WWOX: variants seen among roughly 807,000 people sequenced by gnomAD.
The protein encoded by WWOX is WW domain containing oxidoreductase.
WWOX carries 69 observed loss-of-function variants against 46.2 expected under a neutral mutation model. The observed-to-expected ratio is 1.49, with a 90% CI of 1.23 to 1.82. The LOEUF (loss-of-function observed/expected upper bound fraction) is 1.82, where lower values mean the gene tolerates loss of function less well. Ranked by LOEUF, WWOX falls within the 40% of genes most tolerant of loss-of-function variation. WWOX has a pLI of 0.00. For missense variants in WWOX, 919 were observed against 542.6 expected, an observed-to-expected ratio of 1.69 and a Z score of -6.89; for synonymous variants, 359 against 202.6, an observed-to-expected ratio of 1.77 and a Z score of -6.56.
chr16:79,134,501 TTTG>T, intron 8 of WWOX, among the ~76,000 whole-genome samples: 1 of 152,104 alleles, frequency 6.6e-6, no homozygotes. Context: ...CTGCGGATTG[TTTG>T]TTGTTCTTCC....
chr16:78,134,954 A>C (rs1050866447), intron 4 of WWOX, among the ~76,000 whole-genome samples: 5 of 152,196 alleles, frequency 3.3e-5, no homozygotes, highest in African/African-American at 9.7e-5. Context: ...TCTGGTGACA[A>C]ATGGTGCTGA....
At chr16:78,576,969 C>G (rs952457376) in intron 8 of WWOX, among the ~76,000 whole-genome samples, 1 of 152,204 alleles carries the variant, frequency 6.6e-6, no homozygotes, top group African/African-American at 2.4e-5. Flanking sequence ...CATCTTCACT[C>G]CATGTAATTA....
At chr16:78,818,305 C>T (rs2051395894) in intron 8 of WWOX, among the ~76,000 whole-genome samples, 1 of 152,142 alleles carries the variant, frequency 6.6e-6, no homozygotes, top group Non-Finnish European at 1.5e-5. Context: ...CAGCTCCTGC[C>T]CCAGCCCTGC....
chr16:78,882,679 G>C (rs933703788), intron 8 of WWOX, among the ~76,000 whole-genome samples: 1 of 151,860 alleles, frequency 6.6e-6, no homozygotes, highest in Admixed American at 6.6e-5. Flanking sequence ...GTAGAGACAG[G>C]GGTTTCACCT....
At chr16:78,779,990 C>T (rs999433989) in intron 8 of WWOX, among the ~76,000 whole-genome samples, 1 of 152,214 alleles carries the variant, frequency 6.6e-6, no homozygotes, top group Non-Finnish European at 1.5e-5. Context: ...GTTGTGTCTT[C>T]TGTGTCAACA....
intron 8 of WWOX, among the ~76,000 whole-genome samples, chr16:78,886,662 A>AT (rs1567626773): frequency 2.7e-5 from 4 of 147,080 alleles, no homozygotes; most frequent in Non-Finnish European, 1.5e-5. Flanking sequence ...ATATATGTAA[A>AT]ATATATATAT....
At chr16:78,920,194 T>G (rs2045347031) in intron 8 of WWOX, among the ~76,000 whole-genome samples, 1 of 152,118 alleles carries the variant, frequency 6.6e-6, no homozygotes, top group Admixed American at 6.5e-5. Flanking sequence ...AGCTTCTCTC[T>G]AGGACTCCAG....
intron 8 of WWOX, among the ~76,000 whole-genome samples, chr16:78,783,348 T>C (rs969901245): frequency 1.3e-5 from 2 of 152,160 alleles, no homozygotes; most frequent in African/African-American, 4.8e-5. Flanking sequence ...CTTGGGCTGA[T>C]GGAGAGGGCC....
intron 6 of WWOX, among the ~76,000 whole-genome samples, chr16:78,405,138 G>A (rs1384174423): frequency 6.6e-6 from 1 of 152,230 alleles, no homozygotes; most frequent in East Asian, 1.9e-4. Flanking sequence ...TTAAGGAAAT[G>A]ACAAAAACAA....
At chr16:78,531,640 C>T (rs564604923) in intron 8 of WWOX, among the ~76,000 whole-genome samples, 7 of 151,986 alleles carry the variant, frequency 4.6e-5, no homozygotes, top group Middle Eastern at 6.8e-3. Context: ...GTCAGGAGTT[C>T]GAGACTAGCC....
At chr16:79,151,995 G>T (rs543637879) in intron 8 of WWOX, among the ~76,000 whole-genome samples, 1 of 152,168 alleles carries the variant, frequency 6.6e-6, no homozygotes, top group Non-Finnish European at 1.5e-5. Flanking sequence ...TTACGAAGGG[G>T]GAACTAGTTT....
At chr16:78,770,781 C>T (rs1170098584) in intron 8 of WWOX, among the ~76,000 whole-genome samples, 2 of 104,218 alleles carry the variant, frequency 1.9e-5, no homozygotes, top group Non-Finnish European at 4.2e-5. Flanking sequence ...ACATGGCGTC[C>T]GCTGGCAAAG....
chr16:78,867,210 G>T (rs955333162), intron 8 of WWOX, among the ~76,000 whole-genome samples: 1 of 152,212 alleles, frequency 6.6e-6, no homozygotes, highest in Non-Finnish European at 1.5e-5. Flanking sequence ...ACACTGGTGA[G>T]TGGGGGAGTG....
At chr16:78,665,910 C>G (rs1261261159) in intron 8 of WWOX, among the ~76,000 whole-genome samples, 1 of 151,948 alleles carries the variant, frequency 6.6e-6, no homozygotes, top group Non-Finnish European at 1.5e-5. Context: ...GTCTTGAACT[C>G]CTGACTTCAA....
chr16:78,759,714 A>C (rs184487777), intron 8 of WWOX, among the ~76,000 whole-genome samples: 5 of 152,318 alleles, frequency 3.3e-5, no homozygotes, highest in Admixed American at 2.6e-4. Context: ...GTAGTTTCCT[A>C]TGGCTGCTGT....
At chr16:78,792,458 C>G (rs930032670) in intron 8 of WWOX, among the ~76,000 whole-genome samples, 3 of 152,166 alleles carry the variant, frequency 2.0e-5, no homozygotes, top group South Asian at 2.1e-4. Context: ...TATGGTCGTA[C>G]TCCAGGGTGA....
At chr16:79,087,292 C>T (rs924204529) in intron 8 of WWOX, among the ~76,000 whole-genome samples, 5 of 152,200 alleles carry the variant, frequency 3.3e-5, no homozygotes, top group African/African-American at 1.2e-4. Flanking sequence ...GGAATGTTCT[C>T]AGAAAATGCT....
rs77402053 is a variant in WWOX, at chr16:79,158,192, G to T, written c.1057-53416G>T. Among the ~76,000 whole-genome samples the T allele has an allele frequency of 9.1e-3, 1,386 of 152,270 alleles. 9 individuals carry two copies. The highest frequency in any genetic ancestry group is 0.012 in the South Asian group (58 of 4,822). On this transcript the variant is annotated intron_variant, in intron 8 of 8. Coordinates refer to ENST00000566780, the MANE Select transcript of WWOX (RefSeq NM_016373.4). Reference sequence around the variant, plus strand: ...ATATATATGTTGGGATTTCATAGATGAGGTGAGCAAAAAATTGGCCGGGAA... The same window carrying T: ...ATATATATGTTGGGATTTCATAGATTAGGTGAGCAAAAAATTGGCCGGGAA...
At chr16:78,714,002 C>A (rs920145614) in intron 8 of WWOX, among the ~76,000 whole-genome samples, 1 of 152,034 alleles carries the variant, frequency 6.6e-6, no homozygotes, top group Admixed American at 6.6e-5. Context: ...GTTCTCTTTC[C>A]GTGACACTGC....
Sources: gnomAD v4.1 joint callset for allele counts (sites outside exome capture counted in the v4.1 genomes callset) on GRCh38, gnomAD v4.1.1 for gene constraint, MANE v1.5 for transcripts, NCBI Gene and HGNC (gene_info 2026-07-23, HGNC 2026-07-21) for gene names.